ZNF7: variants seen among roughly 807,000 people sequenced by gnomAD.
The protein encoded by ZNF7 is zinc finger protein 7.
In ZNF7, 10 loss-of-function variants were observed where a neutral mutation model predicts 12.0. The observed-to-expected ratio is 0.83, with a 90% CI of 0.51 to 1.42. ZNF7 has a LOEUF of 1.42. Among genes scored for constraint, ZNF7 ranks in the 40% most tolerant of loss-of-function variants. The pLI, the probability that ZNF7 is intolerant of heterozygous loss-of-function variation, is 0.00. For missense variants in ZNF7, 854 were observed against 837.2 expected, an observed-to-expected ratio of 1.02 and a Z score of -0.25; for synonymous variants, 334 against 295.0, an observed-to-expected ratio of 1.13 and a Z score of -1.35.
intron 4 of ZNF7, chr8:144,838,333 C>T (rs551138113): frequency 2.5e-4 from 143 of 572,758 alleles, no homozygotes; most frequent in African/African-American, 8.3e-4. Context: ...TTCTGAGGTG[C>T]TTCAAGTTAG....
At chr8:144,845,400 T>G (rs769968537), downstream of ZNF7, among the ~76,000 whole-genome samples, 1 of 151,938 alleles carries the variant, frequency 6.6e-6, no homozygotes, top group African/African-American at 2.4e-5. Context: ...TTTTTTTTGC[T>G]GCTGACACAA....
intron 4 of ZNF7, among the ~76,000 whole-genome samples, chr8:144,840,229 G>A (rs149443731): frequency 3.4e-4 from 52 of 152,376 alleles, no homozygotes; most frequent in African/African-American, 1.1e-3. Context: ...CAGGCCTGGA[G>A]ATGCCTCCTG....
At chr8:144,841,120 C>A (rs542148393) in intron 4 of ZNF7, 81 of 514,692 alleles carry the variant, frequency 1.6e-4, no homozygotes, top group Admixed American at 1.2e-3. Flanking sequence ...CAGAACCCAG[C>A]CCTGCCCCAG....
intron 4 of ZNF7, chr8:144,840,997 C>T (rs1187440806): frequency 4.9e-5 from 11 of 222,698 alleles, no homozygotes; most frequent in African/African-American, 2.3e-4. Flanking sequence ...GAGCCCCTGA[C>T]CCCGCAGCCC....
rs1829937693 is a variant in ZNF7 at position 144,841,736 on chromosome 8, A to C, written c.629A>C (p.Asp210Ala). 1.2e-6 allele frequency: 2 copies of C among 1,614,196 alleles called. No homozygotes were observed. The highest frequency in any genetic ancestry group is 1.7e-6 in the Non-Finnish European group (2 of 1,180,048). The change falls in exon 5 of 5, where the codon GAT becomes GCT. Residue 210 changes from aspartate to alanine, a missense_variant. Transcript: ENST00000532777. ...GGCAAAGGCATCAGAGCCACTTCAG[A>C]TATCGCTCTGCATTGGGAAATTAAT... The part of the protein sequence containing the change: ...ECGKGIRATS[D>A]IALHWEINTQ...
intron 3 of ZNF7, 77 bp downstream of exon 3, chr8:144,829,681 G>C (rs1471791651): frequency 6.6e-7 from 1 of 1,525,996 alleles, no homozygotes; most frequent in Non-Finnish European, 8.8e-7. Flanking sequence ...TCAGAGGCTG[G>C]GGTATGCAGG....
intron 4 of ZNF7, chr8:144,838,208 T>C (rs1829311635): frequency 1.4e-6 from 1 of 696,654 alleles, no homozygotes; most frequent in Non-Finnish European, 2.6e-6. Context: ...TGCGTGTCTG[T>C]GTTCATGTGG....
chr8:144,840,418 G>C (rs1829730225), intron 4 of ZNF7, among the ~76,000 whole-genome samples: 1 of 152,236 alleles, frequency 6.6e-6, no homozygotes, highest in Non-Finnish European at 1.5e-5. Context: ...GTGCATTCAT[G>C]TGGGGTAGAC....
intron 4 of ZNF7, 98 bp from the exon 5 acceptor site, chr8:144,841,257 C>T (rs1156502600): frequency 1.6e-6 from 2 of 1,282,944 alleles, no homozygotes; most frequent in East Asian, 4.6e-5. Flanking sequence ...CTCAGTGCAA[C>T]TATCCTGGGA....
rs781601374 is a variant in ZNF7 at position 144,842,817 on chromosome 8, A to G, written c.1710A>G (p.Gln570=). The G allele has an allele frequency of 9.3e-6, 15 of 1,614,060 alleles. No individual in the cohort carries two copies. In the East Asian group the frequency reaches 2.2e-4, roughly 24 times the overall value. Residue 570 remains glutamine, a synonymous_variant, in exon 5 of 5, where the codon CAA becomes CAG. Transcript: ENST00000532777. ...KAFSQNSTLF[Q]HQIIHAGVKP... is the part of the protein sequence containing the mutation. ...TCAGTCAAAACTCAACCCTTTTCCA[A>G]CACCAGATAATTCATGCAGGGGTGA...
At chr8:144,839,195 C>T (rs1004239254) in intron 4 of ZNF7, among the ~76,000 whole-genome samples, 1 of 151,216 alleles carries the variant, frequency 6.6e-6, no homozygotes, top group East Asian at 2.0e-4. Flanking sequence ...ACCTTACTTC[C>T]ATTCATATGC....
chr8:144,835,600 C>G (rs1735412), intron 3 of ZNF7: 72,503 of 151,978 alleles, frequency 0.48, 18,528 homozygotes, highest in African/African-American at 0.67. Context: ...GTTTTGTCAT[C>G]AGTCATATTC....
In ZNF7 at chr8:144,829,503, CTG is replaced by C. The variant is rs1828187618; in HGVS notation, c.32_33del (p.Val11AlafsTer41). On this transcript the variant is annotated frameshift_variant, in exon 3 of 5. Transcript: ENST00000532777. LOFTEE classifies it high-confidence loss of function. ...GAGGTGGTAACATTTGGCGATGTGG[CTG>C]TGCACTTCTCTCGGGAGGAGTGGCA... The C allele has an allele frequency of 1.2e-6, 2 of 1,614,038 alleles. No homozygotes were observed. Among genetic ancestry groups the C allele is most frequent in the African/African-American group, 2.7e-5 (2 of 74,936 alleles).
Position 144,842,106 on chromosome 8 carries a change from C to T in ZNF7, c.999C>T (p.Pro333=), listed in dbSNP as rs1001512186. 5 of 1,613,930 alleles carry T rather than the reference C, an allele frequency of 3.1e-6. No homozygotes were observed. The highest frequency in any genetic ancestry group is 2.5e-6 in the Non-Finnish European group (3 of 1,180,020). The change falls in exon 5 of 5, where the codon CCC becomes CCT. Residue 333 remains proline, a synonymous_variant. Coordinates refer to ENST00000532777, the MANE Select transcript of ZNF7 (RefSeq NM_003416.4). ...AGAGAATCCACACAGGAGAGAGGCC[C>T]TATGGTTGTCGTGAGTGTGGGAAAG... is the stretch of plus-strand genomic sequence containing the variant. ...HHQRIHTGER[P]YGCRECGKAF...
rs1830147758 is a variant in ZNF7, at chr8:144,842,954, T to C, written c.1847T>C (p.Leu616Pro). 3.5e-5 allele frequency: 57 copies of C among 1,614,196 alleles called. No homozygotes were observed. The highest frequency in any genetic ancestry group is 4.7e-5 in the Non-Finnish European group (56 of 1,180,036). The change falls in exon 5 of 5, where the codon CTG becomes CCG. Residue 616 changes from leucine to proline, a missense_variant. Leu to Pro is a moderately conservative substitution (Grantham distance 98). Transcript: ENST00000532777. ...AQWFYEYGNA[L>P]EGSTFVSRKK... ...TGGTTTTACGAATATGGGAATGCCC[T>C]GGAAGGGTCCACCTTTGTGAGCCGT...
intron 4 of ZNF7, among the ~76,000 whole-genome samples, chr8:144,839,931 C>T (rs553279158): frequency 9.9e-5 from 15 of 152,270 alleles, no homozygotes; most frequent in South Asian, 2.1e-4. Flanking sequence ...CTCTCTCTGC[C>T]GCTGCTCTTT....
intron 1 of ZNF7, among the ~76,000 whole-genome samples, chr8:144,828,312 G>T (rs1046511889): frequency 6.6e-6 from 1 of 152,180 alleles, no homozygotes; most frequent in Non-Finnish European, 1.5e-5. Flanking sequence ...CCTGTGCCTG[G>T]TTCCATCCTG....
downstream of ZNF7, chr8:144,845,929 T>C (rs1261622714): frequency 6.6e-7 from 1 of 1,517,798 alleles, no homozygotes; most frequent in African/African-American, 1.4e-5. Flanking sequence ...AGCCAGGTGG[T>C]CACCTTCAGG....
chr8:144,846,197 T>G, downstream of ZNF7: 1 of 1,535,334 alleles, frequency 6.5e-7, no homozygotes, highest in Non-Finnish European at 8.7e-7. Context: ...GATTCTGTGC[T>G]AACCATAATG....
Sources: allele counts gnomAD v4.1 joint callset (sites outside exome capture counted in the v4.1 genomes callset), GRCh38; gene constraint gnomAD v4.1.1; transcripts MANE v1.5; gene names NCBI Gene and HGNC (gene_info 2026-07-23, HGNC 2026-07-21).